CDK10: variants seen among roughly 807,000 people sequenced by gnomAD.
CDK10 encodes the protein cyclin dependent kinase 10.
A neutral mutation model predicts 51.0 loss-of-function variants in CDK10; 55 were observed. The observed-to-expected ratio is 1.08, with a 90% confidence interval of 0.87 to 1.35. CDK10 has a LOEUF of 1.35. Ranked by LOEUF, CDK10 falls within the 40% of genes most tolerant of loss-of-function variation. The pLI is 0.00. For missense variants in CDK10, 589 were observed against 485.1 expected, an observed-to-expected ratio of 1.21 and a Z score of -2.01; for synonymous variants, 255 against 199.1, an observed-to-expected ratio of 1.28 and a Z score of -2.36.
Position 89,694,391 on chromosome 16 carries a change from C to G in CDK10, c.668+159C>G, listed in dbSNP as rs1166898247. ...GGAGGTGGGCCTGAGCCTGGAAACC[C>G]AGGAGGAGGTGTGAGAACTTAGCTT... is the stretch of plus-strand genomic sequence containing the variant. On this transcript the variant is annotated intron_variant, in intron 9 of 12. Coordinates refer to ENST00000353379, the MANE Select transcript of CDK10 (RefSeq NM_052988.5). The G allele has an allele frequency of 5.6e-6, 5 of 899,174 alleles. No homozygotes were observed. The African/African-American group carries it at 6.6e-5, about 12-fold the overall frequency. 55.7% of individuals were successfully genotyped at this position (899,174 alleles called of 1,614,324 possible). A position where few individuals can be genotyped will look rare whatever the true frequency, so the allele number is the denominator to read the frequency against.
chr16:89,690,526 G>A, intron 2 of CDK10, 27 bp from the exon 3 acceptor site: 3 of 1,608,450 alleles, frequency 1.9e-6, no homozygotes, highest in Non-Finnish European at 1.7e-6. Flanking sequence ...TCGAGATGAT[G>A]TCATCACCAA....
rs755931698 is a variant in CDK10 at position 89,694,184 on chromosome 16, C to G, written c.620C>G (p.Pro207Arg). 1 of 1,614,066 alleles carries G rather than the reference C, an allele frequency of 6.2e-7. No homozygotes were observed. The highest frequency in any genetic ancestry group is 8.5e-7 in the Non-Finnish European group (1 of 1,180,000). ...GCTTCTGTGTGTAGGTACCGAGCCC[C>G]TGAACTGCTGTTGGGAACCACCACG... Reference protein sequence around the residue: ...PKVVTLWYRAPELLLGTTTQT... With the variant: ...PKVVTLWYRARELLLGTTTQT... Residue 207 changes from proline to arginine, a missense_variant, in exon 9 of 13, where the codon CCT becomes CGT. Coordinates refer to ENST00000353379, the MANE Select transcript of CDK10 (RefSeq NM_052988.5).
chr16:89,695,072 T>A lies in CDK10; in HGVS notation c.932+2T>A. On this transcript the variant is annotated splice_donor_variant, in intron 11 of 12. Transcript: ENST00000353379. LOFTEE classifies it high-confidence loss of function. ...GTTCATGTACGACCCTAAGAAAAGG[T>A]GCTGATCTCTGCACGGGGGGCAGGG... is the stretch of plus-strand genomic sequence containing the variant. 5 of 1,611,668 alleles carry A rather than the reference T, an allele frequency of 3.1e-6. No homozygotes were observed. Among genetic ancestry groups the A allele is most frequent in the Non-Finnish European group, 4.2e-6 (5 of 1,179,408 alleles).
At position 89,694,209 on chromosome 16, in the gene CDK10, G is replaced by A. The variant is rs775780737; in HGVS notation, c.645G>A (p.Thr215=). The A allele has an allele frequency of 2.1e-5, 34 of 1,613,904 alleles. No homozygotes were observed. Among genetic ancestry groups the A allele is most frequent in the East Asian group, 4.5e-5 (2 of 44,872 alleles). The change falls in exon 9 of 13, where the codon ACG becomes ACA. Residue 215 remains threonine (T), a synonymous_variant. Coordinates refer to ENST00000353379, the MANE Select transcript of CDK10 (RefSeq NM_052988.5). ...RAPELLLGTT[T]QTTSIDMWAV... ...CTGAACTGCTGTTGGGAACCACCAC[G>A]CAGACCACCAGCATCGACATGTGGT...
chr16:89,695,596 C>CT lies in CDK10; in HGVS notation c.988dup (p.Cys330LeufsTer2). On this transcript the variant is annotated frameshift_variant and splice_region_variant, in exon 13 of 13. Coordinates refer to ENST00000353379, the MANE Select transcript of CDK10 (RefSeq NM_052988.5). LOFTEE classifies it high-confidence loss of function. ...AGCACTGAACCCTTCTCCCTGCAGC[C>CT]TGTGAGCCGGAGCTCATGCCGACCT... The CT allele has an allele frequency of 2.5e-6, 4 of 1,602,704 alleles. No individual in the cohort carries two copies. The highest frequency in any genetic ancestry group is 3.4e-6 in the Non-Finnish European group (4 of 1,176,294).
intron 1 of CDK10, 110 bp downstream of exon 1, chr16:89,686,907 G>A: frequency 2.2e-6 from 2 of 925,848 alleles, no homozygotes; most frequent in Non-Finnish European, 1.6e-6. Flanking sequence ...CGGCACGGGC[G>A]GGAACGACAG....
chr16:89,694,195 T>C lies in CDK10; in HGVS notation c.631T>C (p.Leu211=). 2 of 1,614,052 alleles carry C rather than the reference T, an allele frequency of 1.2e-6. No homozygotes were observed. Among genetic ancestry groups the C allele is most frequent in the Middle Eastern group, 3.3e-4 (2 of 6,062 alleles). Residue 211 remains leucine (L), a synonymous_variant, in exon 9 of 13, where the codon TTG becomes CTG. Transcript: ENST00000353379. ...TLWYRAPELL[L]GTTTQTTSID... ...TAGGTACCGAGCCCCTGAACTGCTG[T>C]TGGGAACCACCACGCAGACCACCAG...
intron 8 of CDK10, 152 bp downstream of exon 8, chr16:89,693,619 C>T (rs2060558059): frequency 6.8e-6 from 5 of 735,062 alleles, no homozygotes; most frequent in Admixed American, 2.3e-5. Flanking sequence ...AGGACAGCCT[C>T]CAGGACACAG....
chr16:89,692,170 TG>T (rs1338670179), intron 5 of CDK10: 2 of 558,618 alleles, frequency 3.6e-6, no homozygotes, highest in Non-Finnish European at 6.3e-6. Flanking sequence ...ACTGGTTTCC[TG>T]GGCTGCTGGG....
chr16:89,693,408 C>T lies in CDK10; in HGVS notation c.549C>T (p.Gly183=), dbSNP rs924927250. The change falls in exon 8 of 13, where the codon GGC becomes GGT. Residue 183 remains glycine (G), a synonymous_variant. Transcript: ENST00000353379. ...DKGCVKTADF[G]LARAYGVPVK... is the part of the protein sequence containing the mutation. ...CCCTCTCTGCTGCAGCGGATTTCGG[C>T]CTGGCCCGGGCCTATGGTGTCCCAG... 2.5e-6 allele frequency: 4 copies of T among 1,614,050 alleles called. No individual in the cohort carries two copies. The African/African-American group carries it at 4.0e-5, about 16-fold the overall frequency.
intron 6 of CDK10, among the ~76,000 whole-genome samples, chr16:89,692,876 G>GC (rs2060515369): frequency 7.6e-6 from 1 of 132,284 alleles, no homozygotes; most frequent in Admixed American, 7.1e-5. Context: ...AGTGGCTCAC[G>GC]CCTGTGATCC....
intron 1 of CDK10, 168 bp downstream of exon 1, chr16:89,686,965 C>T (rs1261742764): frequency 2.6e-5 from 15 of 577,290 alleles, no homozygotes; most frequent in Non-Finnish European, 4.1e-5. Flanking sequence ...GGGGCGGGCT[C>T]AGGACCCCCG....
At chr16:89,690,073 C>T (rs1005841387) in intron 2 of CDK10, 1 of 158,982 alleles carries the variant, frequency 6.3e-6, no homozygotes. Context: ...TCAAAAAAAC[C>T]AAAAACACCA....
Position 89,695,813 on chromosome 16 carries a change from A to G in CDK10, c.*121A>G. ...GATCCAGCTCATCCCCTTGGCTGGGAACATCCTCCACTGACTTCCTCCCAC... is the reference window on the plus strand; with the variant it reads ...GATCCAGCTCATCCCCTTGGCTGGGGACATCCTCCACTGACTTCCTCCCAC... On this transcript the variant is annotated 3_prime_UTR_variant, in exon 13 of 13. Coordinates refer to ENST00000353379, the MANE Select transcript of CDK10 (RefSeq NM_052988.5). 6.5e-7 allele frequency: 1 copy of G among 1,549,874 alleles called. No homozygotes were observed. Among genetic ancestry groups the G allele is most frequent in the Admixed American group, 1.9e-5 (1 of 52,362 alleles).
chr16:89,692,480 G>A lies in CDK10; in HGVS notation c.449G>A (p.Gly150Asp). ...VKCIVLQVLR[G>D]LQYLHRNFII... ...TGCATCGTGCTGCAGGTGCTCCGGG[G>A]CCTCCAGTATCTGCACAGGAACTTC... The change falls in exon 6 of 13, where the codon GGC (glycine) becomes GAC (aspartate). Residue 150 changes from glycine (G) to aspartate (D), a missense_variant. Coordinates refer to ENST00000353379, the MANE Select transcript of CDK10 (RefSeq NM_052988.5). 2 of 1,597,354 alleles carry A rather than the reference G, an allele frequency of 1.3e-6. No individual in the cohort carries two copies. The highest frequency in any genetic ancestry group is 1.1e-5 in the South Asian group (1 of 89,374).
chr16:89,691,254 C>T (rs1375960054), intron 3 of CDK10, among the ~76,000 whole-genome samples, 189 bp from the exon 4 acceptor site: 2 of 151,852 alleles, frequency 1.3e-5, no homozygotes, highest in East Asian at 3.9e-4. Flanking sequence ...CATTGCACTC[C>T]AGCCTGGGCA....
rs777279849 is a variant in CDK10, at chr16:89,694,716, C to A, written c.720C>A (p.Pro240=). The A allele has an allele frequency of 3.2e-6, 5 of 1,583,280 alleles. No individual in the cohort carries two copies. The South Asian group carries it at 4.6e-5, about 15-fold the overall frequency. Reference sequence around the variant, plus strand: ...TGCTGGCGCACAGGCCTCTTCTCCCCGGCACTTCCGAGATCCACCAGATCG... The same window carrying A: ...TGCTGGCGCACAGGCCTCTTCTCCCAGGCACTTCCGAGATCCACCAGATCG... The part of the protein sequence containing the change: ...AELLAHRPLL[P]GTSEIHQIDL... The change falls in exon 10 of 13, where the codon CCC becomes CCA. Residue 240 remains proline (P), a synonymous_variant. Transcript: ENST00000353379.
At position 89,691,444 on chromosome 16, in the gene CDK10, C is replaced by A; in HGVS notation, c.234C>A (p.Gly78=). The change falls in exon 4 of 13, where the codon GGC becomes GGA. Residue 78 remains glycine, a splice_region_variant and synonymous_variant. Coordinates refer to ENST00000353379, the MANE Select transcript of CDK10 (RefSeq NM_052988.5). ...KKVRMDKEKD[G]IPISSLREIT... is the part of the protein sequence containing the mutation. Reference sequence around the variant, plus strand: ...CGCTGAGGCCACCTCCCTCCCCAGGCATCCCCATCAGCAGCTTGCGGGAGA... The same window carrying A: ...CGCTGAGGCCACCTCCCTCCCCAGGAATCCCCATCAGCAGCTTGCGGGAGA... The A allele has an allele frequency of 6.2e-7, 1 of 1,604,120 alleles. No homozygotes were observed. Among genetic ancestry groups the A allele is most frequent in the South Asian group, 1.1e-5 (1 of 89,914 alleles).
intron 11 of CDK10, 100 bp downstream of exon 11, chr16:89,695,170 G>A (rs2060656112): frequency 6.5e-7 from 1 of 1,542,660 alleles, no homozygotes; most frequent in South Asian, 1.2e-5. Context: ...CCCCTCCCCA[G>A]GCACAGCCGC....
Sources: gnomAD v4.1 joint callset for allele counts (sites outside exome capture counted in the v4.1 genomes callset) on GRCh38, gnomAD v4.1.1 for gene constraint, MANE v1.5 for transcripts, NCBI Gene and HGNC (gene_info 2026-07-23, HGNC 2026-07-21) for gene names.